EIF5: variants seen among roughly 807,000 people sequenced by gnomAD.
EIF5 encodes the protein eukaryotic translation initiation factor 5.
EIF5 carries 10 observed loss-of-function variants against 48.3 expected under a neutral mutation model. That is an observed-to-expected ratio of 0.21 (90% CI 0.13 to 0.35). The LOEUF is 0.35. EIF5 is among the 10% of genes least tolerant of loss of function. The pLI is 1.00. For synonymous variants in EIF5, 237 were observed against 173.1 expected (o/e 1.37, Z -2.90); for missense variants, 397 against 533.2 (o/e 0.74, Z 2.51).
intron 6 of EIF5, chr14:103,337,449 A>G (rs923279502): frequency 9.7e-6 from 5 of 515,476 alleles, no homozygotes; most frequent in Non-Finnish European, 1.7e-5. Context: ...TAAAAACACA[A>G]AAACTAGCTT....
At chr14:103,336,652 C>T (rs1217769658) in intron 4 of EIF5, 25 bp from the exon 5 acceptor site, 4 of 1,586,452 alleles carry the variant, frequency 2.5e-6, no homozygotes, top group Non-Finnish European at 3.4e-6. Flanking sequence ...CTGTAACGAT[C>T]CAAACTCCTT....
intron 6 of EIF5, chr14:103,338,023 A>T (rs1188696912): frequency 1.8e-6 from 1 of 563,582 alleles, no homozygotes; most frequent in South Asian, 1.5e-5. Context: ...TTTGTTCATG[A>T]GGGATGACAG....
chr14:103,337,351 T>TC (rs2089299215), intron 6 of EIF5, 124 bp downstream of exon 6: 4 of 808,932 alleles, frequency 4.9e-6, no homozygotes, highest in African/African-American at 1.8e-5. Flanking sequence ...ATGCTTGTAT[T>TC]CCCCGCATTT....
chr14:103,339,872 T>G lies in EIF5; in HGVS notation c.1071+69T>G, dbSNP rs1447241182. 20 of 1,522,160 alleles carry G rather than the reference T, an allele frequency of 1.3e-5. No individual in the cohort carries two copies. The Admixed American group carries it at 4.1e-4, about 31-fold the overall frequency. The allele number at this position is 1,522,160 out of a possible 1,614,324, so 94.3% of individuals were successfully genotyped here. ...GGGGTTTTTTTGTTTGGTTGATTGTTTTTGGAGACGGAGTCTCATTCTGTT... is the reference window on the plus strand; with the variant it reads ...GGGGTTTTTTTGTTTGGTTGATTGTGTTTGGAGACGGAGTCTCATTCTGTT... On this transcript the variant is annotated intron_variant, in intron 10 of 11. Transcript: ENST00000216554.
chr14:103,340,879 C>G, intron 11 of EIF5, 84 bp from the exon 12 acceptor site: 1 of 1,397,696 alleles, frequency 7.2e-7, no homozygotes, highest in Non-Finnish European at 1.0e-6. Context: ...AGGCAGTTTC[C>G]TCCTCTGTGA....
intron 6 of EIF5, chr14:103,337,953 C>T (rs760457499): frequency 1.9e-6 from 1 of 533,360 alleles, no homozygotes; most frequent in South Asian, 1.4e-5. Flanking sequence ...ATGAGACAAG[C>T]CGTTATATAG....
intron 11 of EIF5, 45 bp downstream of exon 11, chr14:103,340,606 G>A (rs754887289): frequency 6.4e-7 from 1 of 1,572,232 alleles, no homozygotes; most frequent in Non-Finnish European, 8.7e-7. Context: ...GCTGGCATGG[G>A]TGTTTGAGAT....
chr14:103,337,011 G>A, intron 5 of EIF5, 105 bp from the exon 6 acceptor site: 3 of 1,345,626 alleles, frequency 2.2e-6, no homozygotes, highest in Non-Finnish European at 3.0e-6. Flanking sequence ...AGGTCACTGT[G>A]TGAAAAAAGT....
At position 103,340,376 on chromosome 14, in the gene EIF5, C is replaced by G. The variant is rs370255124; in HGVS notation, c.1072-51C>G. On this transcript the variant is annotated intron_variant, in intron 10 of 11. Coordinates refer to ENST00000216554, the MANE Select transcript of EIF5 (RefSeq NM_001969.5). ...CAGTAAGGGGGATTGTATAAATAAT[C>G]AAAAGTTGTTAAAATTCCTCAACTA... The G allele has an allele frequency of 3.0e-4, 479 of 1,574,756 alleles. 1 individual carries two copies. The African/African-American group carries it at 5.5e-3, about 18-fold the overall frequency.
intron 6 of EIF5, 26 bp from the exon 7 acceptor site, chr14:103,338,301 A>AT (rs1566721647): frequency 2.5e-6 from 4 of 1,607,024 alleles, no homozygotes; most frequent in South Asian, 2.2e-5. Context: ...ATGGGGTTAA[A>AT]TTTTTATTTC....
At position 103,338,484 on chromosome 14, in the gene EIF5, G is replaced by T. The variant is rs2089316262; in HGVS notation, c.585+12G>T. On this transcript the variant is annotated intron_variant, in intron 7 of 11. Coordinates refer to ENST00000216554, the MANE Select transcript of EIF5 (RefSeq NM_001969.5). ...CTCCACATACAATGGTGAGTGCAGGGTTGATGGCCTAGTGGGCACTAAAGT... is the reference window on the plus strand; with the variant it reads ...CTCCACATACAATGGTGAGTGCAGGTTTGATGGCCTAGTGGGCACTAAAGT... 1.9e-6 allele frequency: 3 copies of T among 1,558,874 alleles called. No individual in the cohort carries two copies. The highest frequency in any genetic ancestry group is 1.7e-4 in the Middle Eastern group (1 of 5,990).
chr14:103,343,431 T>C lies in EIF5; in HGVS notation c.*2379T>C, dbSNP rs2140365390. ...GCAGGTGCTTAATAGGGAACATACA[T>C]ACAGCTATGTAACTGTGAATAATTG... On this transcript the variant is annotated 3_prime_UTR_variant, in exon 12 of 12. Coordinates refer to ENST00000216554, the MANE Select transcript of EIF5 (RefSeq NM_001969.5). 1 of 152,070 alleles carries C rather than the reference T, an allele frequency of 6.6e-6. No homozygotes were observed. The highest frequency in any genetic ancestry group is 1.9e-4 in the East Asian group (1 of 5,186). The allele number at this position is 152,070 out of a possible 1,614,324, so 9.4% of individuals were successfully genotyped here.
chr14:103,339,512 T>G, intron 9 of EIF5, 127 bp from the exon 10 acceptor site: 1 of 1,455,572 alleles, frequency 6.9e-7, no homozygotes, highest in Non-Finnish European at 9.4e-7. Flanking sequence ...CAGGGATGTT[T>G]ATGCATTGAC....
chr14:103,336,876 A>C, intron 5 of EIF5, 27 bp downstream of exon 5: 1 of 1,599,694 alleles, frequency 6.3e-7, no homozygotes, highest in South Asian at 1.1e-5. Flanking sequence ...TTGTCGAAAG[A>C]AAAAGCCATA....
intron 2 of EIF5, 108 bp from the exon 3 acceptor site, chr14:103,335,545 G>A (rs2140357986): frequency 2.5e-6 from 1 of 401,544 alleles, no homozygotes; most frequent in South Asian, 3.1e-5. Context: ...GCTTTTTAAG[G>A]TGGAGTTAAG....
At chr14:103,336,963 T>G in intron 5 of EIF5, 114 bp downstream of exon 5, 1 of 1,419,444 alleles carries the variant, frequency 7.0e-7, no homozygotes, top group African/African-American at 1.4e-5. Context: ...AACACAAAAC[T>G]CCAGTTTTCG....
In EIF5 at chr14:103,341,894, A is replaced by G. The variant is rs1314331334; in HGVS notation, c.*842A>G. 1 of 152,666 alleles carries G rather than the reference A, an allele frequency of 6.6e-6. No individual in the cohort carries two copies. The highest frequency in any genetic ancestry group is 2.1e-4 in the South Asian group (1 of 4,834). 9.5% of individuals were successfully genotyped at this position (152,666 alleles called of 1,614,324 possible). On this transcript the variant is annotated 3_prime_UTR_variant, in exon 12 of 12. Coordinates refer to ENST00000216554, the MANE Select transcript of EIF5 (RefSeq NM_001969.5). Reference sequence around the variant, plus strand: ...CTGATTTTATTTGGGAGAAACAAGGAAGGGTGCACTTAACTAGCAACCTAA... The same window carrying G: ...CTGATTTTATTTGGGAGAAACAAGGGAGGGTGCACTTAACTAGCAACCTAA...
intron 5 of EIF5, 61 bp from the exon 6 acceptor site, chr14:103,337,055 T>A (rs778948162): frequency 2.0e-6 from 3 of 1,480,580 alleles, no homozygotes; most frequent in East Asian, 2.3e-5. Flanking sequence ...GTGGTTTAGA[T>A]GTCCTCTGAT....
chr14:103,339,588 C>G (rs753956619), intron 9 of EIF5, 51 bp from the exon 10 acceptor site: 3 of 1,610,420 alleles, frequency 1.9e-6, no homozygotes, highest in South Asian at 2.2e-5. Context: ...ATAGAGTTGT[C>G]AACTTAGAAC....
Sources: gnomAD v4.1 joint callset for allele counts on GRCh38, gnomAD v4.1.1 for gene constraint, MANE v1.5 for transcripts, NCBI Gene and HGNC (gene_info 2026-07-23, HGNC 2026-07-21) for gene names.